Variants in SIN3A observed in about 807,000 individuals in gnomAD.
SIN3A encodes SIN3 transcription regulator family member A.
SIN3A carries 14 observed loss-of-function variants against 146.1 expected under a neutral mutation model. The observed-to-expected ratio is 0.10, with a 90% confidence interval of 0.06 to 0.15. SIN3A has a LOEUF of 0.15. SIN3A is among the 10% of genes least tolerant of loss of function. The pLI, the probability that SIN3A is intolerant of heterozygous loss-of-function variation, is 1.00. For missense variants in SIN3A, 1,028 were observed against 1,576.0 expected (o/e 0.65, Z 5.89); for synonymous variants, 572 against 572.0 (o/e 1.00, Z 0.00).
chr15:75,438,667 T>A (rs1445032655), intron 1 of SIN3A, among the ~76,000 whole-genome samples: 2 of 152,092 alleles, frequency 1.3e-5, no homozygotes, highest in Non-Finnish European at 2.9e-5. Context: ...CCAGCATGGG[T>A]GATGGAATAA....
chr15:75,408,824 C>A (rs958018433), intron 8 of SIN3A, among the ~76,000 whole-genome samples: 6 of 152,236 alleles, frequency 3.9e-5, no homozygotes, highest in African/African-American at 1.4e-4. Context: ...ACTCTACTCA[C>A]AAGAGGACCT....
rs1231364380 is a variant in SIN3A, at chr15:75,384,512, T to C, written c.3022-75A>G. The C allele has an allele frequency of 4.9e-6, 4 of 809,118 alleles. No individual in the cohort carries two copies. The Admixed American group carries it at 1.7e-4, about 34-fold the overall frequency. The allele number at this position is 809,118 out of a possible 1,614,324, so 50.1% of individuals were successfully genotyped here. On this transcript the variant is annotated intron_variant, in intron 16 of 20. Coordinates refer to ENST00000394947, the MANE Select transcript of SIN3A (RefSeq NM_001145358.2). ...CATTATACAGTCAACGTTCCTTTGA[T>C]GTAGTCATTCAACTCCAAAAAGGTT...
chr15:75,412,320 AC>A (rs1167211610), intron 5 of SIN3A, among the ~76,000 whole-genome samples: 1 of 152,234 alleles, frequency 6.6e-6, no homozygotes, highest in Non-Finnish European at 1.5e-5. Flanking sequence ...GACCAAGAAC[AC>A]CCCATCTTCA....
chr15:75,378,401 C>A (rs2072905098), intron 19 of SIN3A, among the ~76,000 whole-genome samples: 2 of 152,062 alleles, frequency 1.3e-5, no homozygotes, highest in African/African-American at 4.8e-5. Flanking sequence ...CCCATCTCTA[C>A]TAAAAATACA....
chr15:75,437,309 A>G (rs1051757116), intron 1 of SIN3A, among the ~76,000 whole-genome samples: 11 of 151,986 alleles, frequency 7.2e-5, no homozygotes, highest in African/African-American at 2.7e-4. Context: ...AGTAGCTGGG[A>G]CATAGGCAGC....
At position 75,375,906 on chromosome 15, in the gene SIN3A, G is replaced by A. The variant is rs142815984; in HGVS notation, c.3384-34C>T. 1.8e-5 allele frequency: 29 copies of A among 1,605,098 alleles called. No individual in the cohort carries two copies. In the East Asian group the frequency reaches 2.7e-4, roughly 15 times the overall value. On this transcript the variant is annotated intron_variant, in intron 19 of 20. Coordinates refer to ENST00000394947, the MANE Select transcript of SIN3A (RefSeq NM_001145358.2). ...GAAAAGCCCCGGAGGATGAGAGCTC[G>A]TCCAGATGCAGATTCCCGTGACTTC...
chr15:75,419,416 G>C (rs1156681399), intron 3 of SIN3A: 4 of 152,176 alleles, frequency 2.6e-5, no homozygotes, highest in Admixed American at 6.5e-5. Context: ...AACTACTGCA[G>C]AGACGGAAAA....
At chr15:75,438,382 C>CA (rs34904347) in intron 1 of SIN3A, among the ~76,000 whole-genome samples, 102 of 149,764 alleles carry the variant, frequency 6.8e-4, no homozygotes, top group Non-Finnish European at 1.1e-3. Context: ...ACAAAACAAA[C>CA]AAAAAAAAAA....
intron 15 of SIN3A, among the ~76,000 whole-genome samples, chr15:75,391,744 A>G (rs8028277): frequency 0.36 from 54,056 of 152,002 alleles, 10,874 homozygotes; most frequent in African/African-American, 0.54. Context: ...TCCATGTCTC[A>G]TATCACCTTT....
intron 1 of SIN3A, among the ~76,000 whole-genome samples, chr15:75,434,607 G>A (rs1355481597): frequency 2.7e-5 from 4 of 150,328 alleles, no homozygotes; most frequent in South Asian, 2.1e-4. Context: ...CCGAAATCGC[G>A]CCACTGCACT....
chr15:75,439,402 G>A (rs1418452401), intron 1 of SIN3A, among the ~76,000 whole-genome samples: 1 of 151,588 alleles, frequency 6.6e-6, no homozygotes, highest in Non-Finnish European at 1.5e-5. Flanking sequence ...GCGCAGTGGC[G>A]TGATCTTGGC....
Position 75,430,251 on chromosome 15 carries a change from T to C in SIN3A, c.125A>G (p.Glu42Gly). Residue 42 changes from glutamate to glycine, a missense_variant, in exon 2 of 21, where the codon GAA (glutamate) becomes GGA (glycine). Coordinates refer to ENST00000394947, the MANE Select transcript of SIN3A (RefSeq NM_001145358.2). ...TGACTGCATGGTCTCAGACACTGCTTCATACACAGGAGGGGCAGGGGCAAG... is the reference window on the plus strand; with the variant it reads ...TGACTGCATGGTCTCAGACACTGCTCCATACACAGGAGGGGCAGGGGCAAG... ...RVLAPAPPVYEAVSETMQSAT... is the reference protein window; with the variant it reads ...RVLAPAPPVYGAVSETMQSAT... The C allele has an allele frequency of 6.2e-7, 1 of 1,614,174 alleles. No homozygotes were observed.
At chr15:75,453,620 C>A (rs774452562), upstream of SIN3A, 2 of 152,342 alleles carry the variant, frequency 1.3e-5, no homozygotes, top group African/African-American at 2.4e-5. Context: ...TTGTCAGAGT[C>A]TCAGATACAG....
chr15:75,371,728 C>T lies in SIN3A; in HGVS notation c.*251G>A. The T allele has an allele frequency of 4.2e-6, 2 of 476,896 alleles. No homozygotes were observed. Among genetic ancestry groups the T allele is most frequent in the East Asian group, 6.8e-5 (2 of 29,242 alleles). The allele number at this position is 476,896 out of a possible 1,614,324, so 29.5% of individuals were successfully genotyped here. ...GTCTTTGCTTGCATGGACTTCCTTC[C>T]CCTCCAGGGCAGGCTATACCCAAAA... On this transcript the variant is annotated 3_prime_UTR_variant, in exon 21 of 21. Transcript: ENST00000394947.
intron 3 of SIN3A, among the ~76,000 whole-genome samples, chr15:75,416,776 A>G (rs2073745496): frequency 6.6e-6 from 1 of 152,208 alleles, no homozygotes; most frequent in Admixed American, 6.5e-5. Flanking sequence ...CCTAACCCCC[A>G]ATAACTGGTT....
chr15:75,414,054 C>CAATAAAGGTATGCATAA (rs2073691141), intron 4 of SIN3A, 151 bp downstream of exon 4: 1 of 395,192 alleles, frequency 2.5e-6, no homozygotes, highest in Non-Finnish European at 4.4e-6. Flanking sequence ...TAATTTCCAT[C>CAATAAAGGTATGCATAA]AATAAAGGTA....
chr15:75,442,975 G>T (rs1271506002), intron 1 of SIN3A, among the ~76,000 whole-genome samples: 1 of 151,012 alleles, frequency 6.6e-6, no homozygotes, highest in Non-Finnish European at 1.5e-5. Context: ...AACTCATCTA[G>T]GGTACAGTCA....
At chr15:75,451,048 G>C (rs1329692071) in intron 1 of SIN3A, among the ~76,000 whole-genome samples, 4 of 132,776 alleles carry the variant, frequency 3.0e-5, no homozygotes, top group Non-Finnish European at 6.3e-5. Context: ...CAGCAGGCCA[G>C]AGCGCGGCCG....
chr15:75,433,603 G>C (rs920134073), intron 1 of SIN3A, among the ~76,000 whole-genome samples: 10 of 151,806 alleles, frequency 6.6e-5, no homozygotes, highest in Admixed American at 6.6e-4. Context: ...GAGATCAGGA[G>C]ATCGAGACCA....
Sources: gnomAD v4.1 joint callset for allele counts (sites outside exome capture counted in the v4.1 genomes callset) on GRCh38, gnomAD v4.1.1 for gene constraint, MANE v1.5 for transcripts, NCBI Gene and HGNC (gene_info 2026-07-23, HGNC 2026-07-21) for gene names.